GRM4: variants seen among roughly 807,000 people sequenced by gnomAD.
The protein encoded by GRM4 is metabotropic glutamate receptor 4.
In GRM4, 28 loss-of-function variants were observed where a neutral mutation model predicts 81.7. The ratio of observed to expected loss-of-function variants is 0.34; its 90% CI spans 0.25 to 0.47. GRM4 has a LOEUF of 0.47. GRM4 is among the 20% of genes least tolerant of loss of function. The pLI, the probability that GRM4 is intolerant of heterozygous loss-of-function variation, is 1.00. For missense variants in GRM4, 948 were observed against 1,290.0 expected (o/e 0.73, Z 4.06); for synonymous variants, 488 against 528.8 (o/e 0.92, Z 1.06).
rs185317955 is a variant in GRM4, at chr6:34,048,040, C to T, written c.1169-7292G>A. Among the ~76,000 whole-genome samples, 1 of 152,304 alleles carries T rather than the reference C, an allele frequency of 6.6e-6. No homozygotes were observed. Among genetic ancestry groups the T allele is most frequent in the African/African-American group, 2.4e-5 (1 of 41,546 alleles). On this transcript the variant is annotated intron_variant, in intron 6 of 10. Transcript: ENST00000538487. The surrounding 1 kb of genome is among the most constrained non-coding windows in gnomAD (Gnocchi z 4.0). ...TAAATGACCACAGCAGCAGAGAAGC[C>T]GTGTCTCTCAGACTGGGAGAGCTCA...
At chr6:34,131,504 A>G (rs1770232835) in intron 2 of GRM4, among the ~76,000 whole-genome samples, 1 of 152,166 alleles carries the variant, frequency 6.6e-6, no homozygotes, top group Admixed American at 6.5e-5. Flanking sequence ...AGGTGGGCGC[A>G]CACGTGCTCT....
intron 6 of GRM4, chr6:34,055,287 C>T (rs1326972746): frequency 6.6e-6 from 1 of 152,220 alleles, no homozygotes; most frequent in Non-Finnish European, 1.5e-5. Flanking sequence ...AGTCATGTGC[C>T]ACAGGTGTAT....
At chr6:34,044,077 G>C (rs1035380217) in intron 6 of GRM4, among the ~76,000 whole-genome samples, 2 of 144,448 alleles carry the variant, frequency 1.4e-5, no homozygotes, top group Admixed American at 6.8e-5. Flanking sequence ...TATATACACA[G>C]ACACACACAC....
Position 34,133,554 on chromosome 6 carries a change from C to G in GRM4, c.-58G>C. 1 of 1,500,470 alleles carries G rather than the reference C, an allele frequency of 6.7e-7. No individual in the cohort carries two copies. Among genetic ancestry groups the G allele is most frequent in the Admixed American group, 2.3e-5 (1 of 44,284 alleles). 92.9% of individuals were successfully genotyped at this position (1,500,470 alleles called of 1,614,324 possible). ...GCCCACTCCTAGCCCTGGCAGGCCC[C>G]TGGCCCCACGGCCTGGGTGGGCATG... is the stretch of plus-strand genomic sequence containing the variant. On this transcript the variant is annotated 5_prime_UTR_variant, in exon 2 of 11. Transcript: ENST00000538487. The surrounding 1 kb of genome is among the most constrained non-coding windows in gnomAD (Gnocchi z 6.5).
intron 8 of GRM4, among the ~76,000 whole-genome samples, chr6:34,039,570 T>C (rs73747250): frequency 5.9e-5 from 9 of 152,308 alleles, no homozygotes; most frequent in Admixed American, 1.3e-4. Context: ...GCTGGGATAC[T>C]GAGGGCCAGA....
chr6:34,024,710 C>T (rs1291792432), intron 10 of GRM4: 3 of 455,870 alleles, frequency 6.6e-6, no homozygotes, highest in Non-Finnish European at 1.3e-5. Flanking sequence ...GGCCTATGAG[C>T]TCCCTGTCAA....
At position 34,074,468 on chromosome 6, in the gene GRM4, G is replaced by A. The variant is rs547601609; in HGVS notation, c.737-12440C>T. Among the ~76,000 whole-genome samples the A allele has an allele frequency of 6.6e-6, 1 of 151,324 alleles. No homozygotes were observed. Among genetic ancestry groups the A allele is most frequent in the South Asian group, 2.1e-4 (1 of 4,806 alleles). On this transcript the variant is annotated intron_variant, in intron 3 of 10. Transcript: ENST00000538487. The surrounding 1 kb of genome is among the most constrained non-coding windows in gnomAD (Gnocchi z 4.9). ...CAACATCTCAGAGCTGAGCCCTTCC[G>A]CCCCCTACCAGGAGGCTGCTGGGCA...
chr6:34,062,035 G>A lies in GRM4; in HGVS notation c.737-7C>T. The A allele has an allele frequency of 6.2e-7, 1 of 1,605,006 alleles. No individual in the cohort carries two copies. The highest frequency in any genetic ancestry group is 8.5e-7 in the Non-Finnish European group (1 of 1,173,224). On this transcript the variant is annotated splice_region_variant and splice_polypyrimidine_tract_variant and intron_variant, in intron 3 of 10. Transcript: ENST00000538487. ...TGGGCGATGCACACGCCCCCTGCAG[G>A]AGGGGCACCAGTTAGTTGGGGTGGG...
At chr6:34,061,624 A>G in intron 4 of GRM4, 1 of 390,512 alleles carries the variant, frequency 2.6e-6, no homozygotes, top group Non-Finnish European at 4.7e-6. Context: ...TCACGGCCTC[A>G]GCCCTCTGTT....
intron 2 of GRM4, among the ~76,000 whole-genome samples, chr6:34,132,482 G>A (rs1248277554): frequency 1.3e-5 from 2 of 152,230 alleles, no homozygotes; most frequent in African/African-American, 4.8e-5. Flanking sequence ...GCAATTATAT[G>A]AAAACAGTGT....
intron 10 of GRM4, among the ~76,000 whole-genome samples, chr6:34,023,306 T>G (rs79499930): frequency 0.012 from 1,860 of 152,316 alleles, 23 homozygotes; most frequent in African/African-American, 0.03. Flanking sequence ...CATATAACCT[T>G]AAAATATTAT....
chr6:34,080,606 C>A lies in GRM4; in HGVS notation c.736+11277G>T, dbSNP rs552592621. ...GCCACGCCCCTCCTCACCAGCCATA[C>A]CCCTGGGGCAAGTCTGTGGGATTGG... On this transcript the variant is annotated intron_variant, in intron 3 of 10. Transcript: ENST00000538487. The surrounding 1 kb of genome is among the most constrained non-coding windows in gnomAD (Gnocchi z 5.4). Among the ~76,000 whole-genome samples the A allele has an allele frequency of 3.9e-5, 6 of 152,274 alleles. No individual in the cohort carries two copies. In the South Asian group the frequency reaches 8.3e-4, roughly 21 times the overall value.
At chr6:34,124,478 C>T (rs1427006342) in intron 2 of GRM4, among the ~76,000 whole-genome samples, 1 of 152,244 alleles carries the variant, frequency 6.6e-6, no homozygotes, top group African/African-American at 2.4e-5. Context: ...CCACTGCCTG[C>T]CGTCTCCCTC....
chr6:34,026,414 A>G (rs1392044230), intron 10 of GRM4, among the ~76,000 whole-genome samples: 1 of 151,768 alleles, frequency 6.6e-6, no homozygotes, highest in Non-Finnish European at 1.5e-5. Flanking sequence ...CTTCCCTACC[A>G]TGGAAGCCCC....
chr6:34,110,523 CT>C (rs938770402), intron 2 of GRM4: 9 of 512,804 alleles, frequency 1.8e-5, no homozygotes, highest in African/African-American at 1.6e-4. Context: ...GCCAACTGGG[CT>C]TTTCCGCAGA....
At chr6:34,118,581 C>G (rs1769685364) in intron 2 of GRM4, among the ~76,000 whole-genome samples, 1 of 152,200 alleles carries the variant, frequency 6.6e-6, no homozygotes, top group Non-Finnish European at 1.5e-5. Flanking sequence ...CAAGAAGTGA[C>G]TGTGAAAGCC....
intron 2 of GRM4, among the ~76,000 whole-genome samples, chr6:34,126,635 G>A (rs376415848): frequency 4.6e-5 from 7 of 152,202 alleles, no homozygotes; most frequent in African/African-American, 1.7e-4. Context: ...TTGACCCAAT[G>A]GTAAGGTAGG....
chr6:34,056,483 G>C, intron 6 of GRM4, 61 bp downstream of exon 6: 6 of 1,475,022 alleles, frequency 4.1e-6, no homozygotes, highest in Non-Finnish European at 5.6e-6. Context: ...CAGGCCCCCA[G>C]GCTCGGCCCT....
Position 34,115,578 on chromosome 6 carries a change from A to T in GRM4, c.519+17400T>A, listed in dbSNP as rs955670927. Among the ~76,000 whole-genome samples, 1 of 152,204 alleles carries T rather than the reference A, an allele frequency of 6.6e-6. No individual in the cohort carries two copies. Among genetic ancestry groups the T allele is most frequent in the Non-Finnish European group, 1.5e-5 (1 of 68,042 alleles). ...GGGGTCTGCCCGAAGACACTCGGCA[A>T]ACCTTTCAGGCCTCTAAAAGACCAT... On this transcript the variant is annotated intron_variant, in intron 2 of 10. Transcript: ENST00000538487. This position sits in a 1 kb window ranked among gnomAD's most constrained non-coding sequence, Gnocchi z 4.1.
Sources: allele counts gnomAD v4.1 joint callset (sites outside exome capture counted in the v4.1 genomes callset), GRCh38; gene constraint gnomAD v4.1.1; non-coding constraint Gnocchi (gnomAD v3.1); transcripts MANE v1.5; gene names NCBI Gene and HGNC (gene_info 2026-07-23, HGNC 2026-07-21).